The following KCNC4 variants were observed in gnomAD, a reference collection of about 807,000 sequenced individuals.
KCNC4 encodes potassium voltage-gated channel subfamily C member 4, also known as voltage-gated potassium channel KCNC4.
A neutral mutation model predicts 42.8 loss-of-function variants in KCNC4; 23 were observed. The ratio of observed to expected loss-of-function variants is 0.54; its 90% CI spans 0.39 to 0.76. The LOEUF (loss-of-function observed/expected upper bound fraction) is 0.76, where lower values mean the gene tolerates loss of function less well. Ranked by LOEUF, KCNC4 falls within the 30% of genes least tolerant of loss-of-function variation. The pLI is 0.00. For missense variants in KCNC4, 751 were observed against 898.2 expected (o/e 0.84, Z 2.10); for synonymous variants, 422 against 393.5 (o/e 1.07, Z -0.86).
chr1:110,266,298 C>T (rs1659539915), intron 1 of KCNC4, among the ~76,000 whole-genome samples: 1 of 152,158 alleles, frequency 6.6e-6, no homozygotes, highest in Non-Finnish European at 1.5e-5. Context: ...AGCCGCAACA[C>T]CGAAACTGCA....
exon 4 of KCNC4, chr1:110,242,311 A>C (rs1235844332): frequency 1.3e-5 from 2 of 152,118 alleles, no homozygotes; most frequent in African/African-American, 4.8e-5. Flanking sequence ...CTCAGTCTTC[A>C]TTAGTGGTGT....
intron 1 of KCNC4, 173 bp from the exon 2 acceptor site, chr1:110,222,791 A>G: frequency 1.7e-6 from 1 of 589,470 alleles, no homozygotes. Flanking sequence ...GCCCCCAAGC[A>G]TATGGATAAA....
intron 1 of KCNC4, among the ~76,000 whole-genome samples, chr1:110,259,108 T>G (rs904607244): frequency 1.3e-5 from 2 of 152,216 alleles, no homozygotes. Flanking sequence ...ACCCAGAAGG[T>G]AGGTCAAGGA....
chr1:110,226,201 G>A lies in KCNC4; in HGVS notation c.1819+23G>A, dbSNP rs769314818. ...AAGGTATGGCTTCCCAAGCTGGACA[G>A]GTGGGGAGCCCCCACAGAGCTGAGT... On this transcript the variant is annotated intron_variant, in intron 3 of 3. Transcript: ENST00000438661. The A allele has an allele frequency of 6.2e-6, 10 of 1,608,604 alleles. No individual in the cohort carries two copies. The Admixed American group carries it at 6.7e-5, about 11-fold the overall frequency.
intron 3 of KCNC4, among the ~76,000 whole-genome samples, chr1:110,230,791 A>C (rs561096400): frequency 1.3e-5 from 2 of 152,170 alleles, no homozygotes; most frequent in Admixed American, 1.3e-4. Flanking sequence ...ACAACCTCTC[A>C]GCACCTCTGG....
In KCNC4 at chr1:110,223,032, G is replaced by C; in HGVS notation, c.747G>C (p.Glu249Asp). ...SITTFCLETH[E>D]AFNIDRNVTE... ...CCACTTTCTGCCTGGAGACCCATGA[G>C]GCCTTTAATATCGACCGCAACGTGA... Residue 249 changes from glutamate to aspartate, a missense_variant, in exon 2 of 4, where the codon GAG becomes GAC. This residue lies in a region of KCNC4 where 181 missense variants were observed against 167.3 expected (regional missense o/e 1.08). Transcript: ENST00000438661. This position sits in a 1 kb window ranked among gnomAD's most constrained non-coding sequence, Gnocchi z 7.5. The C allele has an allele frequency of 6.2e-7, 1 of 1,614,122 alleles. No individual in the cohort carries two copies. The highest frequency in any genetic ancestry group is 8.5e-7 in the Non-Finnish European group (1 of 1,180,022).
chr1:110,264,594 G>A (rs1659506494), intron 1 of KCNC4, among the ~76,000 whole-genome samples: 1 of 152,124 alleles, frequency 6.6e-6, no homozygotes, highest in Admixed American at 6.5e-5. Flanking sequence ...GTTTCTAAAG[G>A]GAACCAAACA....
At chr1:110,230,125 T>C (rs1273875391) in intron 3 of KCNC4, among the ~76,000 whole-genome samples, 1 of 152,138 alleles carries the variant, frequency 6.6e-6, no homozygotes, top group African/African-American at 2.4e-5. Flanking sequence ...CCCTCAGTCT[T>C]GGGCAGACAC....
downstream of KCNC4, among the ~76,000 whole-genome samples, chr1:110,251,435 T>C (rs1193806075): frequency 6.6e-6 from 1 of 152,222 alleles, no homozygotes; most frequent in African/African-American, 2.4e-5. Context: ...CCTGCCGCCA[T>C]GTAAGACATG....
Position 110,275,036 on chromosome 1 carries a change from C to T in KCNC4, n.31-7498C>T, listed in dbSNP as rs76589969. Among the ~76,000 whole-genome samples the T allele has an allele frequency of 9.8e-3, 1,494 of 151,856 alleles. 21 individuals carry two copies. Among genetic ancestry groups the T allele is most frequent in the African/African-American group, 0.032 (1,329 of 41,438 alleles). ...CTAGAACTTAACTGAAATGTTTCTGCGCAGCAAAAGAAATAATCAACAGAG... is the reference window on the plus strand; with the variant it reads ...CTAGAACTTAACTGAAATGTTTCTGTGCAGCAAAAGAAATAATCAACAGAG... On this transcript the variant is annotated intron_variant and non_coding_transcript_variant, in intron 1 of 2. Transcript: ENST00000412512.
intron 1 of KCNC4, among the ~76,000 whole-genome samples, chr1:110,257,720 CAAAAAAA>C (rs56333861): frequency 2.2e-5 from 2 of 91,010 alleles, no homozygotes; most frequent in Non-Finnish European, 4.1e-5. Flanking sequence ...GACTCCGTCT[CAAAAAAA>C]AAAAAAAAAA....
chr1:110,223,322 T>C lies in KCNC4; in HGVS notation c.1037T>C (p.Leu346Pro). Residue 346 changes from leucine (L) to proline (P), a missense_variant, in exon 2 of 4, where the codon CTG (leucine) becomes CCG (proline). This residue lies in a region of KCNC4 where 185 missense variants were observed against 293.7 expected (regional missense o/e 0.63). Coordinates refer to ENST00000438661, the MANE Select transcript of KCNC4 (RefSeq NM_001039574.3). The surrounding 1 kb of genome is among the most constrained non-coding windows in gnomAD (Gnocchi z 7.5). ...GCGGCCCGCGACGTGCTGGGCTTCCTGCGCGTGGTGCGCTTCGTGCGCATC... is the reference window on the plus strand; with the variant it reads ...GCGGCCCGCGACGTGCTGGGCTTCCCGCGCGTGGTGCGCTTCGTGCGCATC... ...SKAARDVLGF[L>P]RVVRFVRILR... is the part of the protein sequence containing the mutation. The C allele has an allele frequency of 6.2e-7, 1 of 1,614,060 alleles. No individual in the cohort carries two copies. The highest frequency in any genetic ancestry group is 8.5e-7 in the Non-Finnish European group (1 of 1,180,006).
At chr1:110,213,013 AGGTTACTGCTTGAAATG>A (rs1657578555) in intron 1 of KCNC4, among the ~76,000 whole-genome samples, 3 of 151,906 alleles carry the variant, frequency 2.0e-5, no homozygotes, top group Non-Finnish European at 4.4e-5. Flanking sequence ...GCCCTGGTTC[AGGTTACTGCTTGAAATG>A]GGTGTATGAG....
At chr1:110,249,440 C>G (rs1042606884), downstream of KCNC4, among the ~76,000 whole-genome samples, 4 of 152,174 alleles carry the variant, frequency 2.6e-5, no homozygotes, top group Non-Finnish European at 5.9e-5. Context: ...AGCACGTTGC[C>G]TGGCATACAG....
chr1:110,226,687 TC>T (rs1445020302), intron 3 of KCNC4, among the ~76,000 whole-genome samples: 1 of 152,220 alleles, frequency 6.6e-6, no homozygotes, highest in Non-Finnish European at 1.5e-5. Context: ...TGGGCAGACT[TC>T]CGTCTGCAAG....
chr1:110,247,985 A>G (rs1427975077), exon 4 of KCNC4: 1 of 152,236 alleles, frequency 6.6e-6, no homozygotes, highest in Non-Finnish European at 1.5e-5. Flanking sequence ...TTCAAAGGCC[A>G]TAGATTAGAC....
chr1:110,265,047 C>T (rs1659513277), intron 1 of KCNC4, among the ~76,000 whole-genome samples: 1 of 146,290 alleles, frequency 6.8e-6, no homozygotes, highest in South Asian at 2.2e-4. Context: ...TGCCACTGCA[C>T]TCCAGCCTGG....
downstream of KCNC4, among the ~76,000 whole-genome samples, chr1:110,251,786 C>T (rs1326964623): frequency 6.6e-6 from 1 of 152,192 alleles, no homozygotes; most frequent in Non-Finnish European, 1.5e-5. Flanking sequence ...AACAGCGATC[C>T]CATTATGCAG....
Position 110,223,752 on chromosome 1 carries a change from C to T in KCNC4, c.1467C>T (p.Pro489=). The T allele has an allele frequency of 1.2e-6, 2 of 1,614,148 alleles. No homozygotes were observed. The highest frequency in any genetic ancestry group is 8.5e-7 in the Non-Finnish European group (1 of 1,180,044). ...YSLAMAKQKL[P]KKRKKHVPRP... Reference sequence around the variant, plus strand: ...TGGCCATGGCCAAGCAGAAGCTGCCCAAGAAACGGAAGAAGCACGTGCCAC... The same window carrying T: ...TGGCCATGGCCAAGCAGAAGCTGCCTAAGAAACGGAAGAAGCACGTGCCAC... Residue 489 remains proline, a synonymous_variant, in exon 2 of 4, where the codon CCC becomes CCT. Coordinates refer to ENST00000438661, the MANE Select transcript of KCNC4 (RefSeq NM_001039574.3). This position sits in a 1 kb window ranked among gnomAD's most constrained non-coding sequence, Gnocchi z 7.5.
Sources: allele counts gnomAD v4.1 joint callset (sites outside exome capture counted in the v4.1 genomes callset), GRCh38; gene constraint gnomAD v4.1.1; regional missense constraint gnomAD v4.1.1; non-coding constraint Gnocchi (gnomAD v3.1); transcripts MANE v1.5; gene names NCBI Gene and HGNC (gene_info 2026-07-23, HGNC 2026-07-21).